Variants in CBR4 observed in about 807,000 individuals in gnomAD.
CBR4 encodes the protein 3-oxoacyl-[acyl-carrier-protein] reductase.
A neutral mutation model predicts 21.0 loss-of-function variants in CBR4; 22 were observed. That is an observed-to-expected ratio of 1.05 (90% confidence interval 0.75 to 1.50). CBR4 has a LOEUF of 1.50. Ranked by LOEUF, CBR4 falls within the 40% of genes most tolerant of loss-of-function variation. The probability of loss-of-function intolerance (pLI) is 0.00; values close to 1 mark genes in which losing one functional copy is unlikely to be tolerated. For missense variants in CBR4, 302 were observed against 286.3 expected (o/e 1.05, Z -0.40); for synonymous variants, 100 against 104.4 (o/e 0.96, Z 0.26).
At position 168,987,944 on chromosome 4, in the gene CBR4, C is replaced by T. The variant is rs1764747975; in HGVS notation, c.*2206G>A. ...AAAAAAAATTAATACATTGGCTTTA[C>T]CTATAAACCTTATTTTGTTAATGCT... On this transcript the variant is annotated 3_prime_UTR_variant, in exon 5 of 5. Coordinates refer to ENST00000306193, the MANE Select transcript of CBR4 (RefSeq NM_032783.5). 3 of 985,138 alleles carry T rather than the reference C, an allele frequency of 3.0e-6. No individual in the cohort carries two copies. Among genetic ancestry groups the T allele is most frequent in the Non-Finnish European group, 3.6e-6 (3 of 829,730 alleles). 61.0% of individuals were successfully genotyped at this position (985,138 alleles called of 1,614,324 possible).
intron 2 of CBR4, among the ~76,000 whole-genome samples, chr4:168,948,881 G>A (rs1763466050): frequency 1.3e-5 from 2 of 152,124 alleles, no homozygotes; most frequent in Non-Finnish European, 2.9e-5. Context: ...TTTTAGAATT[G>A]TTTTTTCTAA....
chr4:169,007,775 T>A lies in CBR4; in HGVS notation c.143-19A>T. ...TGATCTCCTACACAACAAAGTTAAA[T>A]AAGAATTACTTATAACTCAAATTTT... is the stretch of plus-strand genomic sequence containing the variant. On this transcript the variant is annotated intron_variant, in intron 1 of 4. Transcript: ENST00000306193. 6.5e-7 allele frequency: 1 copy of A among 1,548,912 alleles called. No homozygotes were observed. Among genetic ancestry groups the A allele is most frequent in the Non-Finnish European group, 8.7e-7 (1 of 1,147,750 alleles).
At chr4:168,976,211 T>C (rs1192091160) in intron 2 of CBR4, among the ~76,000 whole-genome samples, 3 of 152,174 alleles carry the variant, frequency 2.0e-5, no homozygotes, top group Non-Finnish European at 4.4e-5. Flanking sequence ...CCTTCCCAAT[T>C]CTGCTGGCTG....
intron 2 of CBR4, among the ~76,000 whole-genome samples, chr4:168,959,517 G>C (rs1225409758): frequency 6.7e-6 from 1 of 148,494 alleles, no homozygotes; most frequent in South Asian, 2.1e-4. Context: ...GGCTAATCTC[G>C]GTGGTTTACA....
rs1435210680 is a variant in CBR4, at chr4:168,930,789, G to GC, written n.170-36025dup. Among the ~76,000 whole-genome samples, 4 of 152,248 alleles carry GC rather than the reference G, an allele frequency of 2.6e-5. No homozygotes were observed. The East Asian group carries it at 7.7e-4, about 29-fold the overall frequency. On this transcript the variant is annotated intron_variant and non_coding_transcript_variant, in intron 2 of 3. Transcript: ENST00000509108. ...CCTTTGCTGGGAAAACGTAAGCAGA[G>GC]CCCCATCAGCCCCCATTACCACTGC...
chr4:168,930,549 T>G (rs982303418), intron 2 of CBR4, among the ~76,000 whole-genome samples: 16 of 152,198 alleles, frequency 1.1e-4, no homozygotes, highest in African/African-American at 3.4e-4. Context: ...GATGGCTGAC[T>G]AGAGGTTCCT....
intron 2 of CBR4, among the ~76,000 whole-genome samples, chr4:168,938,609 A>G (rs1031678353): frequency 1.3e-5 from 2 of 152,200 alleles, no homozygotes; most frequent in African/African-American, 4.8e-5. Context: ...TAAACGCAAT[A>G]AAAAATGACA....
At chr4:169,003,813 T>C (rs143051443) in intron 3 of CBR4, among the ~76,000 whole-genome samples, 36 of 152,146 alleles carry the variant, frequency 2.4e-4, no homozygotes, top group African/African-American at 3.6e-4. Context: ...ATGAATGAAA[T>C]TGGAAATCAT....
chr4:168,962,483 T>G (rs1763890926), intron 2 of CBR4, among the ~76,000 whole-genome samples: 1 of 152,220 alleles, frequency 6.6e-6, no homozygotes, highest in African/African-American at 2.4e-5. Context: ...GAAGAAAGAC[T>G]TGAGGATAAT....
chr4:168,923,290 A>G (rs1582230809), intron 2 of CBR4, among the ~76,000 whole-genome samples: 1 of 152,326 alleles, frequency 6.6e-6, no homozygotes, highest in East Asian at 1.9e-4. Context: ...GTGGTGTTGG[A>G]GAGTATTAAG....
intron 2 of CBR4, among the ~76,000 whole-genome samples, chr4:168,900,210 G>A (rs1417620820): frequency 2.0e-5 from 3 of 152,078 alleles, no homozygotes; most frequent in African/African-American, 7.2e-5. Context: ...CCATGATCCC[G>A]TCACCTCCCG....
intron 2 of CBR4, chr4:168,894,798 C>T: frequency 6.7e-7 from 1 of 1,501,842 alleles, no homozygotes; most frequent in Non-Finnish European, 9.0e-7. Context: ...CACAGAAAAG[C>T]AGTATTAATA....
rs1004235446 is a variant in CBR4 at position 168,970,763 on chromosome 4, T to C, written n.169+31308A>G. ...TGAGTTACTTCACTTAGACTAACAA[T>C]CTCCAGCTTTATCCAGGTTGCTGCG... On this transcript the variant is annotated intron_variant and non_coding_transcript_variant, in intron 2 of 3. Coordinates refer to the CBR4 transcript ENST00000509108. Among the ~76,000 whole-genome samples, 36 of 152,032 alleles carry C rather than the reference T, an allele frequency of 2.4e-4. 1 individual carries two copies. The highest frequency in any genetic ancestry group is 8.2e-4 in the African/African-American group (34 of 41,424).
chr4:169,003,838 C>T (rs1302883138), intron 3 of CBR4, among the ~76,000 whole-genome samples: 1 of 152,074 alleles, frequency 6.6e-6, no homozygotes, highest in Non-Finnish European at 1.5e-5. Flanking sequence ...AGTAAACTAT[C>T]GCAAGGACAA....
Position 168,970,936 on chromosome 4 carries a change from A to G in CBR4, n.169+31135T>C, listed in dbSNP as rs144130626. The stretch of plus-strand genomic sequence containing the variant: ...AATTGTGAATTGTGCTGCTATAAAC[A>G]TGCGTGTGCATGTGTCTTTTTCATA... On this transcript the variant is annotated intron_variant and non_coding_transcript_variant, in intron 2 of 3. Transcript: ENST00000509108. Among the ~76,000 whole-genome samples, 3 of 152,282 alleles carry G rather than the reference A, an allele frequency of 2.0e-5. No homozygotes were observed. The East Asian group carries it at 5.8e-4, about 29-fold the overall frequency.
At chr4:168,998,507 A>T (rs1387537669) in intron 4 of CBR4, among the ~76,000 whole-genome samples, 1 of 152,182 alleles carries the variant, frequency 6.6e-6, no homozygotes, top group Non-Finnish European at 1.5e-5. Context: ...AAAGTAGTTT[A>T]GTGTACTGGG....
chr4:168,914,317 G>A (rs1277730845), intron 2 of CBR4, among the ~76,000 whole-genome samples: 1 of 152,168 alleles, frequency 6.6e-6, no homozygotes, highest in Non-Finnish European at 1.5e-5. Flanking sequence ...AATGGCATAT[G>A]AAAATACTAC....
intron 2 of CBR4, chr4:168,927,454 G>GAAGA (rs1409634883): frequency 1.7e-5 from 4 of 232,838 alleles, no homozygotes; most frequent in African/African-American, 8.8e-5. Context: ...TGTAGTAGTG[G>GAAGA]AAGATTTTAG....
chr4:169,008,931 C>T (rs973699450), intron 1 of CBR4: 1 of 453,884 alleles, frequency 2.2e-6, no homozygotes, highest in Non-Finnish European at 4.4e-6. Context: ...ATAATGTTAA[C>T]TTAAAAATGA....
Sources: allele counts gnomAD v4.1 joint callset (sites outside exome capture counted in the v4.1 genomes callset), GRCh38; gene constraint gnomAD v4.1.1; transcripts MANE v1.5; gene names NCBI Gene and HGNC (gene_info 2026-07-23, HGNC 2026-07-21).